CDYL2: variants seen among roughly 807,000 people sequenced by gnomAD.
The protein encoded by CDYL2 is chromodomain Y-like protein 2.
Under a neutral mutation model 49.4 loss-of-function variants are expected in CDYL2, and 23 were observed. The observed-to-expected ratio is 0.47, with a 90% confidence interval of 0.34 to 0.66. The LOEUF is 0.66. CDYL2 is among the 30% of genes least tolerant of loss of function. The pLI, the probability that CDYL2 is intolerant of heterozygous loss-of-function variation, is 0.01. For missense variants in CDYL2, 678 were observed against 656.4 expected (o/e 1.03, Z -0.36); for synonymous variants, 360 against 268.8 (o/e 1.34, Z -3.32).
intron 1 of CDYL2, among the ~76,000 whole-genome samples, chr16:80,711,695 G>A (rs992758674): frequency 1.3e-5 from 2 of 152,084 alleles, no homozygotes; most frequent in Non-Finnish European, 2.9e-5. Flanking sequence ...GTTGTTCTAA[G>A]TATTAAATGT....
chr16:80,692,231 C>G (rs1384694558), intron 1 of CDYL2, among the ~76,000 whole-genome samples: 2 of 152,192 alleles, frequency 1.3e-5, no homozygotes, highest in Non-Finnish European at 2.9e-5. Context: ...AACTTTATTT[C>G]TATCCATGCA....
intron 5 of CDYL2, among the ~76,000 whole-genome samples, chr16:80,608,956 T>C (rs1906467759): frequency 6.6e-6 from 1 of 152,142 alleles, no homozygotes; most frequent in Admixed American, 6.5e-5. Context: ...CTTCCATCAC[T>C]GGCAGCCAAA....
At chr16:80,794,829 T>A (rs1045481831) in intron 1 of CDYL2, among the ~76,000 whole-genome samples, 1 of 152,026 alleles carries the variant, frequency 6.6e-6, no homozygotes, top group African/African-American at 2.4e-5. Flanking sequence ...GTCAGGCTGG[T>A]CTCGAACTCC....
At chr16:80,663,775 T>G (rs1473944661) in intron 2 of CDYL2, among the ~76,000 whole-genome samples, 1 of 152,158 alleles carries the variant, frequency 6.6e-6, no homozygotes. Context: ...GTATTTCTAG[T>G]AGAGACAGGG....
intron 4 of CDYL2, among the ~76,000 whole-genome samples, chr16:80,614,934 C>T (rs1906762459): frequency 6.6e-6 from 1 of 151,966 alleles, no homozygotes; most frequent in African/African-American, 2.4e-5. Flanking sequence ...TGTTCCTTCC[C>T]CCAAGTCTTA....
At chr16:80,720,837 CCT>C (rs1288195484) in intron 1 of CDYL2, among the ~76,000 whole-genome samples, 2 of 152,076 alleles carry the variant, frequency 1.3e-5, no homozygotes, top group African/African-American at 2.4e-5. Flanking sequence ...AAAAATATAC[CCT>C]GAGAGCCGTC....
chr16:80,751,719 T>C (rs1273377041), intron 1 of CDYL2, among the ~76,000 whole-genome samples: 1 of 152,212 alleles, frequency 6.6e-6, no homozygotes, highest in African/African-American at 2.4e-5. Context: ...TTCAAAGTGC[T>C]GAGGAAATGA....
rs367794388 is a variant in CDYL2, at chr16:80,617,201, A to C, written c.1007+3562T>G. ...GTGATGCGTCCCAGTCACCAGTCCC[A>C]GTCACGTGTATGCAAGTTTTCTTTA... On this transcript the variant is annotated intron_variant, in intron 4 of 6. Coordinates refer to ENST00000570137, the MANE Select transcript of CDYL2 (RefSeq NM_152342.4). Among the ~76,000 whole-genome samples, 3 of 152,288 alleles carry C rather than the reference A, an allele frequency of 2.0e-5. No individual in the cohort carries two copies. The East Asian group carries it at 5.8e-4, about 29-fold the overall frequency.
At chr16:80,664,370 T>C (rs768129528) in intron 2 of CDYL2, among the ~76,000 whole-genome samples, 5 of 152,200 alleles carry the variant, frequency 3.3e-5, no homozygotes, top group African/African-American at 1.2e-4. Context: ...TCCAGACAGC[T>C]GTCTCTTCCT....
chr16:80,656,258 A>G (rs1908807095), intron 2 of CDYL2, among the ~76,000 whole-genome samples: 1 of 152,230 alleles, frequency 6.6e-6, no homozygotes, highest in African/African-American at 2.4e-5. Context: ...AGGAGGAACT[A>G]ATTGGTGAGT....
chr16:80,797,188 GC>G (rs1349804897), intron 1 of CDYL2, among the ~76,000 whole-genome samples: 2 of 152,070 alleles, frequency 1.3e-5, no homozygotes, highest in Non-Finnish European at 2.9e-5. Flanking sequence ...GTGCTCCTGA[GC>G]TTCAGGCACA....
intron 2 of CDYL2, among the ~76,000 whole-genome samples, chr16:80,654,010 C>T (rs77988237): frequency 0.017 from 2,552 of 152,242 alleles, 57 homozygotes; most frequent in African/African-American, 0.039. Context: ...TGCATGCCAA[C>T]GGAAGTTGGA....
intron 1 of CDYL2, among the ~76,000 whole-genome samples, chr16:80,772,244 A>G (rs1429386118): frequency 6.6e-6 from 1 of 152,200 alleles, no homozygotes; most frequent in Non-Finnish European, 1.5e-5. Context: ...TTAGAAAATA[A>G]TTTCAGGTAG....
chr16:80,662,077 A>G (rs1231591769), intron 2 of CDYL2, among the ~76,000 whole-genome samples: 1 of 152,172 alleles, frequency 6.6e-6, no homozygotes, highest in East Asian at 1.9e-4. Flanking sequence ...TGAAGTCTCC[A>G]TGTGTCAAAC....
chr16:80,707,029 G>A (rs985788302), intron 1 of CDYL2, among the ~76,000 whole-genome samples: 3 of 152,158 alleles, frequency 2.0e-5, no homozygotes, highest in Admixed American at 6.5e-5. Flanking sequence ...AGAGGATGTC[G>A]CCTCAGAGCA....
At chr16:80,759,542 C>T (rs190387332) in intron 1 of CDYL2, among the ~76,000 whole-genome samples, 1 of 152,004 alleles carries the variant, frequency 6.6e-6, no homozygotes, top group Admixed American at 6.6e-5. Flanking sequence ...AATCAGTGGG[C>T]AGGAAAAGTT....
At chr16:80,767,663 C>A (rs1172986452) in intron 1 of CDYL2, among the ~76,000 whole-genome samples, 2 of 152,168 alleles carry the variant, frequency 1.3e-5, no homozygotes, top group East Asian at 1.9e-4. Context: ...GTGGAAGCGG[C>A]CAAGGCTATG....
intron 1 of CDYL2, among the ~76,000 whole-genome samples, chr16:80,725,766 C>T (rs1323590005): frequency 6.6e-6 from 1 of 152,222 alleles, no homozygotes; most frequent in East Asian, 1.9e-4. Context: ...GAGTAACGCG[C>T]TTTAGCAACA....
chr16:80,708,543 T>C (rs1904482146), intron 1 of CDYL2, among the ~76,000 whole-genome samples: 1 of 152,178 alleles, frequency 6.6e-6, no homozygotes, highest in South Asian at 2.1e-4. Context: ...CGAATACATC[T>C]TGGTACAGCC....
Sources: allele counts gnomAD v4.1 joint callset (sites outside exome capture counted in the v4.1 genomes callset), GRCh38; gene constraint gnomAD v4.1.1; transcripts MANE v1.5; gene names NCBI Gene and HGNC (gene_info 2026-07-23, HGNC 2026-07-21).